SENP6: variants seen among roughly 807,000 people sequenced by gnomAD.
SENP6 encodes the protein SUMO specific peptidase 6, also known as sentrin-specific protease 6.
A neutral mutation model predicts 134.5 loss-of-function variants in SENP6; 41 were observed. The ratio of observed to expected loss-of-function variants is 0.30; its 90% CI spans 0.24 to 0.40. The LOEUF is 0.40. SENP6 is among the 10% of genes least tolerant of loss of function. The probability of loss-of-function intolerance (pLI) is 1.00; values close to 1 mark genes in which losing one functional copy is unlikely to be tolerated. For missense variants in SENP6, 1,248 were observed against 1,312.5 expected (o/e 0.95, Z 0.76); for synonymous variants, 395 against 429.8 (o/e 0.92, Z 1.00).
At chr6:75,670,020 A>G (rs1481723627) in intron 10 of SENP6, among the ~76,000 whole-genome samples, 3 of 151,848 alleles carry the variant, frequency 2.0e-5, no homozygotes, top group Non-Finnish European at 2.9e-5. Context: ...TGCAACGTCC[A>G]CCTCCCAGGT....
chr6:75,709,749 C>G, intron 20 of SENP6, 119 bp downstream of exon 20: 1 of 592,228 alleles, frequency 1.7e-6, no homozygotes, highest in African/African-American at 1.8e-5. Flanking sequence ...GCAGAAAGAT[C>G]TCTTGAGCCT....
At chr6:75,609,821 C>T (rs1329771501) in intron 1 of SENP6, among the ~76,000 whole-genome samples, 2 of 151,914 alleles carry the variant, frequency 1.3e-5, no homozygotes, top group South Asian at 2.1e-4. Flanking sequence ...GCTCCGTTGC[C>T]CAGGCTGGAG....
chr6:75,692,766 G>T (rs1774367883), intron 16 of SENP6, among the ~76,000 whole-genome samples: 1 of 151,214 alleles, frequency 6.6e-6, no homozygotes. Flanking sequence ...TGGCCCTGTG[G>T]CTCTTCCTCC....
intron 5 of SENP6, 60 bp downstream of exon 5, chr6:75,634,871 A>G: frequency 3.7e-6 from 4 of 1,091,820 alleles, no homozygotes; most frequent in Non-Finnish European, 4.1e-6. Context: ...ATAGGTTTTC[A>G]CTTTTTTTAA....
rs971092885 is a variant in SENP6, at chr6:75,675,194, GAA to G, written c.1393-232_1393-231del. Among the ~76,000 whole-genome samples the G allele has an allele frequency of 2.4e-4, 35 of 144,064 alleles. No homozygotes were observed. The East Asian group carries it at 5.9e-3, about 24-fold the overall frequency. 94.5% of individuals were successfully genotyped at this position (144,064 alleles called of 152,430 possible). A position where few individuals can be genotyped will look rare whatever the true frequency, so the allele number is the denominator to read the frequency against. On this transcript the variant is annotated intron_variant, in intron 11 of 23. Transcript: ENST00000447266. Reference sequence around the variant, plus strand: ...GAACCTAAAATAAAAGTTAAAAAAAGAAAAAAAAAAGAGGAAAGAAAGACTGA... The same window carrying G: ...GAACCTAAAATAAAAGTTAAAAAAAGAAAAAAAAGAGGAAAGAAAGACTGA...
intron 1 of SENP6, among the ~76,000 whole-genome samples, chr6:75,614,639 G>A (rs545315089): frequency 6.6e-5 from 10 of 152,150 alleles, no homozygotes; most frequent in South Asian, 2.1e-4. Context: ...CTTGTTTCTC[G>A]TCAGATTTCA....
intron 1 of SENP6, among the ~76,000 whole-genome samples, chr6:75,612,272 T>C (rs1767510383): frequency 6.6e-6 from 1 of 152,236 alleles, no homozygotes; most frequent in Non-Finnish European, 1.5e-5. Context: ...ACTTGGGCTG[T>C]AGCCCTGCAG....
chr6:75,653,662 T>G (rs866214071), intron 7 of SENP6, among the ~76,000 whole-genome samples: 30 of 144,106 alleles, frequency 2.1e-4, no homozygotes, highest in African/African-American at 6.5e-4. Flanking sequence ...AATGTTGTGT[T>G]TTTTTTTTTT....
At chr6:75,659,478 A>G in intron 8 of SENP6, 71 bp downstream of exon 8, 1 of 1,368,094 alleles carries the variant, frequency 7.3e-7, no homozygotes, top group South Asian at 1.3e-5. Context: ...AGTACTTATT[A>G]AATTCTAGGT....
intron 3 of SENP6, among the ~76,000 whole-genome samples, chr6:75,629,724 T>TA (rs1245463339): frequency 6.6e-6 from 1 of 152,158 alleles, no homozygotes; most frequent in Non-Finnish European, 1.5e-5. Flanking sequence ...AGCTTACAGG[T>TA]AATGTATAGG....
intron 1 of SENP6, among the ~76,000 whole-genome samples, chr6:75,610,644 G>T (rs903417099): frequency 6.6e-6 from 1 of 152,136 alleles, no homozygotes; most frequent in Admixed American, 6.5e-5. Context: ...GGGGCTTTCA[G>T]TGCTAAAATT....
At chr6:75,654,939 G>A (rs1039461621) in intron 7 of SENP6, 2 of 152,126 alleles carry the variant, frequency 1.3e-5, no homozygotes, top group African/African-American at 4.8e-5. Context: ...CCCTTACTAC[G>A]TTAATTCATC....
At chr6:75,625,394 C>T (rs1364535570) in intron 3 of SENP6, among the ~76,000 whole-genome samples, 12 of 152,006 alleles carry the variant, frequency 7.9e-5, no homozygotes, top group African/African-American at 2.7e-4. Flanking sequence ...GGATTACAGA[C>T]GTGAGCCACC....
At position 75,647,759 on chromosome 6, in the gene SENP6, G is replaced by C; in HGVS notation, c.508G>C (p.Val170Leu). The change falls in exon 7 of 24, where the codon GTT becomes CTT. Residue 170 changes from valine to leucine, a missense_variant. Coordinates refer to ENST00000447266, the MANE Select transcript of SENP6 (RefSeq NM_015571.4). ...AGAATACCCACCTCATGTCCAAAAA[G>C]TTGAAATTAATCCTGTAAGGTTAAG... ...RKEYPPHVQK[V>L]EINPVRLSRL... The C allele has an allele frequency of 1.9e-6, 3 of 1,612,688 alleles. No homozygotes were observed. The highest frequency in any genetic ancestry group is 1.1e-5 in the South Asian group (1 of 91,020).
intron 16 of SENP6, among the ~76,000 whole-genome samples, chr6:75,691,950 G>A (rs998914066): frequency 4.6e-5 from 7 of 151,690 alleles, no homozygotes; most frequent in South Asian, 4.2e-4. Context: ...TCCGCCTCCC[G>A]GGTTCAAGCT....
In SENP6 at chr6:75,639,888, C is replaced by T. The variant is rs1387129477; in HGVS notation, c.459-796C>T. 2.6e-5 allele frequency among the ~76,000 whole-genome samples: 4 copies of T among 152,084 alleles called. No individual in the cohort carries two copies. In the East Asian group the frequency reaches 5.8e-4, roughly 22 times the overall value. ...CCTGATATTAGGATCAGTCTGGAAC[C>T]AGTAAAAATTTTATAACTTCTAGGA... On this transcript the variant is annotated intron_variant, in intron 5 of 23. Coordinates refer to ENST00000447266, the MANE Select transcript of SENP6 (RefSeq NM_015571.4).
chr6:75,704,685 G>A (rs1332494916), intron 19 of SENP6, among the ~76,000 whole-genome samples: 1 of 152,120 alleles, frequency 6.6e-6, no homozygotes, highest in Non-Finnish European at 1.5e-5. Context: ...GGACGGTCAG[G>A]TCCTTCCCGT....
intron 14 of SENP6, chr6:75,677,797 C>T (rs1773195952): frequency 6.6e-6 from 1 of 152,648 alleles, no homozygotes. Context: ...TACTACTAAA[C>T]ACATAGTATA....
At position 75,717,004 on chromosome 6, in the gene SENP6, G is replaced by A. The variant is rs1020980350; in HGVS notation, c.*1410G>A. ...TCTATTGAGACACAGTAGAGTCTCAGTAAGAGAAATATTAAAATGTAAGAA... is the reference window on the plus strand; with the variant it reads ...TCTATTGAGACACAGTAGAGTCTCAATAAGAGAAATATTAAAATGTAAGAA... On this transcript the variant is annotated 3_prime_UTR_variant, in exon 24 of 24. Transcript: ENST00000447266. 2.6e-5 allele frequency: 4 copies of A among 151,968 alleles called. No individual in the cohort carries two copies. The highest frequency in any genetic ancestry group is 9.7e-5 in the African/African-American group (4 of 41,434). The allele number at this position is 151,968 out of a possible 1,614,324, so 9.4% of individuals were successfully genotyped here.
Sources: allele counts gnomAD v4.1 joint callset (sites outside exome capture counted in the v4.1 genomes callset), GRCh38; gene constraint gnomAD v4.1.1; transcripts MANE v1.5; gene names NCBI Gene and HGNC (gene_info 2026-07-23, HGNC 2026-07-21).